Variants in PPP2R2C observed in about 807,000 individuals in gnomAD.
The protein encoded by PPP2R2C is protein phosphatase 2, regulatory subunit B, gamma.
A neutral mutation model predicts 45.3 loss-of-function variants in PPP2R2C; 10 were observed. The observed-to-expected ratio is 0.22, with a 90% CI of 0.14 to 0.37. The LOEUF is 0.37. PPP2R2C is among the 10% of genes least tolerant of loss of function. The pLI, the probability that PPP2R2C is intolerant of heterozygous loss-of-function variation, is 1.00. For missense variants in PPP2R2C, 308 were observed against 619.7 expected (o/e 0.50, Z 5.34); for synonymous variants, 257 against 245.4 (o/e 1.05, Z -0.44).
intron 1 of PPP2R2C, among the ~76,000 whole-genome samples, chr4:6,417,504 G>A (rs1014915049): frequency 1.3e-5 from 2 of 152,202 alleles, no homozygotes; most frequent in African/African-American, 4.8e-5. Context: ...TACACACTGA[G>A]AACAAGCCTC....
In PPP2R2C at chr4:6,330,143, T is replaced by C. The variant is rs1339035184; in HGVS notation, c.961-790A>G. 6.6e-6 allele frequency among the ~76,000 whole-genome samples: 1 copy of C among 152,118 alleles called. No homozygotes were observed. Among genetic ancestry groups the C allele is most frequent in the African/African-American group, 2.4e-5 (1 of 41,424 alleles). On this transcript the variant is annotated intron_variant, in intron 7 of 8. Transcript: ENST00000382599. The surrounding 1 kb of genome is among the most constrained non-coding windows in gnomAD (Gnocchi z 7.0). ...AGAGGGTGACACCCCAGGACCTGCA[T>C]CCACCTGACTGCAGCCGGTCCTACA...
rs1207923428 is a variant in PPP2R2C, at chr4:6,337,110, G to GTATATA, written c.791-3380_791-3379insTATATA. Among the ~76,000 whole-genome samples the GTATATA allele has an allele frequency of 3.9e-3, 163 of 41,328 alleles. 1 individual carries two copies. Among genetic ancestry groups the GTATATA allele is most frequent in the Non-Finnish European group, 5.5e-3 (122 of 22,312 alleles). The allele number at this position is 41,328 out of a possible 152,430, so 27.1% of individuals were successfully genotyped here. On this transcript the variant is annotated intron_variant, in intron 6 of 8. Coordinates refer to ENST00000382599, the MANE Select transcript of PPP2R2C (RefSeq NM_020416.4). Reference sequence around the variant, plus strand: ...GGCATCTTTGTTTCTGTATGTGTGTGTGTATATATATATATATATATATAT... The same window carrying GTATATA: ...GGCATCTTTGTTTCTGTATGTGTGTGTATATATGTATATATATATATATATATATAT...
At position 6,378,198 on chromosome 4, in the gene PPP2R2C, G is replaced by C; in HGVS notation, c.334+209C>G. ...GGGATTTACATGCTGCTCAAAAAGG[G>C]GGGCAGCCCTGTGTCCAGACACAGG... On this transcript the variant is annotated intron_variant, in intron 3 of 8. Coordinates refer to ENST00000382599, the MANE Select transcript of PPP2R2C (RefSeq NM_020416.4). The surrounding 1 kb of genome is among the most constrained non-coding windows in gnomAD (Gnocchi z 5.2). 1 of 595,438 alleles carries C rather than the reference G, an allele frequency of 1.7e-6. No individual in the cohort carries two copies. The highest frequency in any genetic ancestry group is 2.1e-6 in the Non-Finnish European group (1 of 474,224). The allele number at this position is 595,438 out of a possible 1,614,324, so 36.9% of individuals were successfully genotyped here.
intron 1 of PPP2R2C, among the ~76,000 whole-genome samples, chr4:6,400,720 A>G (rs1175531142): frequency 2.0e-5 from 3 of 152,222 alleles, no homozygotes; most frequent in Admixed American, 2.0e-4. Flanking sequence ...AGCCTCTCCC[A>G]TGTTCTAAGG....
chr4:6,400,876 G>A (rs1231771683), intron 1 of PPP2R2C, among the ~76,000 whole-genome samples: 17 of 152,322 alleles, frequency 1.1e-4, no homozygotes, highest in Admixed American at 7.2e-4. Context: ...GTAATGCCTC[G>A]CTTCCGCTCA....
chr4:6,502,183 G>T (rs370423657), intron 2 of PPP2R2C, among the ~76,000 whole-genome samples: 34 of 152,162 alleles, frequency 2.2e-4, no homozygotes, highest in Non-Finnish European at 4.4e-4. Flanking sequence ...AGCCCCTCAG[G>T]GTGGGGTAAA....
At chr4:6,414,002 T>C in intron 1 of PPP2R2C, 1 of 1,534,700 alleles carries the variant, frequency 6.5e-7, no homozygotes, top group Non-Finnish European at 8.7e-7. Flanking sequence ...TGCCAGTCAA[T>C]GGCCAAAACC....
intron 1 of PPP2R2C, among the ~76,000 whole-genome samples, chr4:6,560,026 C>T (rs112930583): frequency 2.6e-5 from 4 of 152,368 alleles, no homozygotes; most frequent in South Asian, 2.1e-4. Flanking sequence ...GGGGATTCCA[C>T]GTCAAAATTG....
intron 1 of PPP2R2C, among the ~76,000 whole-genome samples, chr4:6,419,026 A>G (rs1002561839): frequency 2.0e-5 from 3 of 152,216 alleles, no homozygotes; most frequent in Non-Finnish European, 2.9e-5. Context: ...TCAGCTTCGC[A>G]TGCGGTGAGG....
intron 1 of PPP2R2C, among the ~76,000 whole-genome samples, chr4:6,433,253 C>A (rs1327866437): frequency 6.6e-6 from 1 of 152,178 alleles, no homozygotes; most frequent in African/African-American, 2.4e-5. Context: ...CTGTGCACAG[C>A]TGAAGGCTTC....
chr4:6,508,775 C>T (rs1348137081), intron 2 of PPP2R2C, among the ~76,000 whole-genome samples: 2 of 152,100 alleles, frequency 1.3e-5, no homozygotes, highest in East Asian at 1.9e-4. Flanking sequence ...AATGAGCACA[C>T]GCACAACTTC....
intron 1 of PPP2R2C, among the ~76,000 whole-genome samples, chr4:6,464,427 C>T (rs1721487885): frequency 6.6e-6 from 1 of 152,126 alleles, no homozygotes; most frequent in African/African-American, 2.4e-5. Flanking sequence ...CAGTGGCACC[C>T]AAGACACTGG....
chr4:6,494,121 A>G (rs1722799068), intron 2 of PPP2R2C, among the ~76,000 whole-genome samples: 1 of 152,214 alleles, frequency 6.6e-6, no homozygotes, highest in Non-Finnish European at 1.5e-5. Flanking sequence ...ACCCAGGGAC[A>G]GGATCAGGCA....
chr4:6,375,369 C>T (rs1312839871), intron 4 of PPP2R2C, among the ~76,000 whole-genome samples: 1 of 152,112 alleles, frequency 6.6e-6, no homozygotes, highest in Admixed American at 6.5e-5. Flanking sequence ...ATGCTGAAGG[C>T]CTCACACGGT....
At chr4:6,554,979 AAAGAG>A (rs201861111) in intron 1 of PPP2R2C, among the ~76,000 whole-genome samples, 3,207 of 125,654 alleles carry the variant, frequency 0.026, 43 homozygotes, top group Non-Finnish European at 0.035. Flanking sequence ...GAAAGAAAGA[AAAGAG>A]AAGAGAAGAG....
intron 2 of PPP2R2C, among the ~76,000 whole-genome samples, chr4:6,512,587 A>ATGGTGGTGGTGG (rs1723690017): frequency 4.2e-5 from 2 of 47,912 alleles, no homozygotes; most frequent in African/African-American, 2.0e-4. Flanking sequence ...GATGGTGGTG[A>ATGGTGGTGGTGG]TGGTGATGGT....
intron 2 of PPP2R2C, among the ~76,000 whole-genome samples, chr4:6,506,036 G>A (rs1428482131): frequency 6.6e-6 from 1 of 152,106 alleles, no homozygotes; most frequent in African/African-American, 2.4e-5. Flanking sequence ...CTGCAACAAT[G>A]TGGATGAATT....
rs115678696 is a variant in PPP2R2C at position 6,401,599 on chromosome 4, C to T, written c.71-20505G>A. On this transcript the variant is annotated intron_variant, in intron 1 of 8. Transcript: ENST00000382599. ...CCAAGACCTAACCTCTGGAGCATCCCGGTCTGAGATAGCCCTTTGAGCTCC... is the reference window on the plus strand; with the variant it reads ...CCAAGACCTAACCTCTGGAGCATCCTGGTCTGAGATAGCCCTTTGAGCTCC... Among the ~76,000 whole-genome samples the T allele has an allele frequency of 5.0e-3, 760 of 152,194 alleles. 4 individuals carry two copies. Among genetic ancestry groups the T allele is most frequent in the African/African-American group, 0.017 (723 of 41,526 alleles).
chr4:6,372,032 G>T (rs1714871412), intron 5 of PPP2R2C, among the ~76,000 whole-genome samples: 1 of 152,194 alleles, frequency 6.6e-6, no homozygotes, highest in Non-Finnish European at 1.5e-5. Flanking sequence ...ACACCGAGCA[G>T]GGGGCCCTCA....
Sources: allele counts gnomAD v4.1 joint callset (sites outside exome capture counted in the v4.1 genomes callset), GRCh38; gene constraint gnomAD v4.1.1; non-coding constraint Gnocchi (gnomAD v3.1); transcripts MANE v1.5; gene names NCBI Gene and HGNC (gene_info 2026-07-23, HGNC 2026-07-21).